ARHGAP26: variants seen among roughly 807,000 people sequenced by gnomAD.
ARHGAP26 encodes the protein rho GTPase-activating protein 26.
Under a neutral mutation model 104.8 loss-of-function variants are expected in ARHGAP26, and 38 were observed. The ratio of observed to expected loss-of-function variants is 0.36; its 90% CI spans 0.28 to 0.48. ARHGAP26 has a LOEUF of 0.48. Among genes scored for constraint, ARHGAP26 ranks in the 20% least tolerant of loss-of-function variants. The probability of loss-of-function intolerance (pLI) is 0.99; values close to 1 mark genes in which losing one functional copy is unlikely to be tolerated. For missense variants in ARHGAP26, 704 were observed against 947.9 expected (o/e 0.74, Z 3.38); for synonymous variants, 341 against 340.0 (o/e 1.00, Z -0.03).
chr5:143,067,748 G>A (rs538863008), intron 17 of ARHGAP26, among the ~76,000 whole-genome samples: 3 of 152,302 alleles, frequency 2.0e-5, no homozygotes, highest in African/African-American at 7.2e-5. Flanking sequence ...GTAGAATAGG[G>A]TCACTATTTT....
chr5:142,960,376 A>G (rs1391455605), intron 11 of ARHGAP26, among the ~76,000 whole-genome samples: 1 of 152,272 alleles, frequency 6.6e-6, no homozygotes, highest in Non-Finnish European at 1.5e-5. Flanking sequence ...AGTTCACTGC[A>G]GTCCCAAAAT....
At chr5:142,809,336 C>A (rs1004276524) in intron 1 of ARHGAP26, among the ~76,000 whole-genome samples, 1 of 152,124 alleles carries the variant, frequency 6.6e-6, no homozygotes, top group African/African-American at 2.4e-5. Flanking sequence ...AAAAGTTCCC[C>A]AAGAGAGAAG....
intron 1 of ARHGAP26, among the ~76,000 whole-genome samples, chr5:142,816,904 G>T (rs1330945739): frequency 6.6e-6 from 1 of 152,074 alleles, no homozygotes; most frequent in Non-Finnish European, 1.5e-5. Context: ...GCAGCGGGAG[G>T]GGGAGCAGGT....
intron 11 of ARHGAP26, among the ~76,000 whole-genome samples, chr5:142,986,858 G>T (rs1355200849): frequency 1.3e-5 from 2 of 152,286 alleles, no homozygotes; most frequent in East Asian, 1.9e-4. Flanking sequence ...TGTTCAATTG[G>T]TCTGTATCTC....
chr5:142,882,774 G>A (rs1352725701), intron 4 of ARHGAP26, among the ~76,000 whole-genome samples: 1 of 152,026 alleles, frequency 6.6e-6, no homozygotes, highest in Non-Finnish European at 1.5e-5. Flanking sequence ...TTGAGGAGGG[G>A]GTGTTCTTAT....
rs570698923 is a variant in ARHGAP26 at position 142,943,554 on chromosome 5, G to A, written c.1107+11429G>A. On this transcript the variant is annotated intron_variant, in intron 11 of 22. Coordinates refer to ENST00000645722, the MANE Select transcript of ARHGAP26 (RefSeq NM_001135608.3). Reference sequence around the variant, plus strand: ...CTGTCATGATGTAATCACCCCATAAGGCCCTACTTTCTGTTATCATCACAT... The same window carrying A: ...CTGTCATGATGTAATCACCCCATAAAGCCCTACTTTCTGTTATCATCACAT... 2.6e-5 allele frequency among the ~76,000 whole-genome samples: 4 copies of A among 152,208 alleles called. No individual in the cohort carries two copies. In the South Asian group the frequency reaches 8.3e-4, roughly 32 times the overall value.
chr5:142,791,142 G>A (rs1016359764), intron 1 of ARHGAP26, among the ~76,000 whole-genome samples: 1 of 150,232 alleles, frequency 6.7e-6, no homozygotes, highest in East Asian at 1.9e-4. Context: ...GTAGTGGCAC[G>A]ATCTCGGCTT....
At chr5:143,195,061 A>G (rs1248253712) in intron 20 of ARHGAP26, among the ~76,000 whole-genome samples, 1 of 152,228 alleles carries the variant, frequency 6.6e-6, no homozygotes, top group East Asian at 1.9e-4. Context: ...CCAGAATTAG[A>G]GGGAAGGCTG....
intron 17 of ARHGAP26, among the ~76,000 whole-genome samples, chr5:143,104,251 T>C (rs550321519): frequency 6.6e-6 from 1 of 152,306 alleles, no homozygotes; most frequent in African/African-American, 2.4e-5. Context: ...GACTCACGCC[T>C]GTAATCCCAG....
At chr5:143,211,968 C>G (rs1809536913) in intron 21 of ARHGAP26, among the ~76,000 whole-genome samples, 1 of 152,184 alleles carries the variant, frequency 6.6e-6, no homozygotes, top group Non-Finnish European at 1.5e-5. Context: ...GGACCACTCC[C>G]TTTTATTTCT....
intron 10 of ARHGAP26, among the ~76,000 whole-genome samples, chr5:142,925,139 G>A (rs1001615133): frequency 1.3e-5 from 2 of 152,126 alleles, no homozygotes; most frequent in Admixed American, 1.3e-4. Context: ...GCCAGCTACC[G>A]GTTGAGCTGA....
At chr5:143,157,110 C>T (rs1326271930) in intron 20 of ARHGAP26, among the ~76,000 whole-genome samples, 7 of 151,750 alleles carry the variant, frequency 4.6e-5, no homozygotes, top group Non-Finnish European at 8.8e-5. Flanking sequence ...CAGCATTTCC[C>T]AAACTGGTAC....
intron 11 of ARHGAP26, among the ~76,000 whole-genome samples, chr5:142,937,736 A>G (rs566276266): frequency 2.0e-5 from 3 of 152,332 alleles, no homozygotes; most frequent in South Asian, 4.1e-4. Flanking sequence ...CTATTGGTAC[A>G]CAACAACCGG....
intron 1 of ARHGAP26, among the ~76,000 whole-genome samples, chr5:142,839,115 G>A (rs186516558): frequency 2.0e-5 from 3 of 152,288 alleles, no homozygotes; most frequent in African/African-American, 4.8e-5. Flanking sequence ...CATTTCAGAC[G>A]ATTCTTATGT....
At chr5:143,099,472 A>C (rs1792900137) in intron 17 of ARHGAP26, among the ~76,000 whole-genome samples, 1 of 152,216 alleles carries the variant, frequency 6.6e-6, no homozygotes, top group Non-Finnish European at 1.5e-5. Context: ...CCTCACCATC[A>C]TTGAAAGGAT....
chr5:142,786,216 A>C (rs1758599326), intron 1 of ARHGAP26, among the ~76,000 whole-genome samples: 3 of 151,348 alleles, frequency 2.0e-5, no homozygotes, highest in Non-Finnish European at 4.4e-5. Context: ...TCCTGGCCTC[A>C]AGTGATCCTC....
intron 18 of ARHGAP26, among the ~76,000 whole-genome samples, chr5:143,126,011 T>C (rs1440486828): frequency 2.6e-5 from 4 of 152,224 alleles, no homozygotes; most frequent in African/African-American, 9.7e-5. Context: ...ATTGAATATC[T>C]ACCATTAGCC....
chr5:143,030,532 A>G (rs1781693472), intron 12 of ARHGAP26, among the ~76,000 whole-genome samples: 1 of 152,210 alleles, frequency 6.6e-6, no homozygotes, highest in Non-Finnish European at 1.5e-5. Context: ...GCATGCCTGT[A>G]TTGATACAGG....
chr5:142,949,179 GA>G (rs1767691546), intron 11 of ARHGAP26, among the ~76,000 whole-genome samples: 2 of 2,068 alleles, frequency 9.7e-4, no homozygotes, highest in African/African-American at 2.0e-3. Flanking sequence ...GAGAGAGAGA[GA>G]GAGAGAGAGA....
Sources: gnomAD v4.1 joint callset for allele counts (sites outside exome capture counted in the v4.1 genomes callset) on GRCh38, gnomAD v4.1.1 for gene constraint, MANE v1.5 for transcripts, NCBI Gene and HGNC (gene_info 2026-07-23, HGNC 2026-07-21) for gene names.